ESRRB: variants seen among roughly 807,000 people sequenced by gnomAD.
ESRRB encodes estrogen related receptor beta, also known as steroid hormone receptor ERR2.
ESRRB carries 16 observed loss-of-function variants against 46.0 expected under a neutral mutation model. The ratio of observed to expected loss-of-function variants is 0.35; its 90% CI spans 0.24 to 0.53. The LOEUF (loss-of-function observed/expected upper bound fraction) is 0.53, where lower values mean the gene tolerates loss of function less well. ESRRB is among the 20% of genes least tolerant of loss of function. The pLI is 0.93. For synonymous variants in ESRRB, 246 were observed against 259.6 expected, an observed-to-expected ratio of 0.95 and a Z score of 0.50; for missense variants, 488 against 607.4, an observed-to-expected ratio of 0.80 and a Z score of 2.07.
intron 1 of ESRRB, among the ~76,000 whole-genome samples, chr14:76,393,525 A>G (rs1885550667): frequency 1.3e-5 from 2 of 152,234 alleles, no homozygotes; most frequent in Admixed American, 1.3e-4. Flanking sequence ...TTTGCATGAA[A>G]TACCTTTACT....
At chr14:76,463,045 G>A (rs17104492) in intron 3 of ESRRB, among the ~76,000 whole-genome samples, 51,780 of 152,110 alleles carry the variant, frequency 0.34, 10,177 homozygotes, top group African/African-American at 0.55. Context: ...CATTAAGTCC[G>A]GGAATGATAA....
intron 1 of ESRRB, among the ~76,000 whole-genome samples, chr14:76,332,775 TTATATA>T (rs1566853389): frequency 4.7e-4 from 6 of 12,884 alleles, no homozygotes; most frequent in Non-Finnish European, 7.4e-4. Flanking sequence ...ATAATATATA[TTATATA>T]TTATATATAA....
chr14:76,499,225 G>A lies in ESRRB; in HGVS notation c.*767G>A. The A allele has an allele frequency of 3.8e-6, 1 of 261,514 alleles. No homozygotes were observed. Among genetic ancestry groups the A allele is most frequent in the South Asian group, 4.4e-5 (1 of 22,584 alleles). 16.2% of individuals were successfully genotyped at this position (261,514 alleles called of 1,614,324 possible). ...CCCAGTGGGTTCAGCCAGCCACAGCGACTCCAGGGGCTGTAGACAGGAACG... is the reference window on the plus strand; with the variant it reads ...CCCAGTGGGTTCAGCCAGCCACAGCAACTCCAGGGGCTGTAGACAGGAACG... On this transcript the variant is annotated 3_prime_UTR_variant, in exon 7 of 7. Transcript: ENST00000644823.
At chr14:76,491,372 C>A in intron 5 of ESRRB, 75 bp from the exon 6 acceptor site, 1 of 1,502,100 alleles carries the variant, frequency 6.7e-7, no homozygotes, top group Non-Finnish European at 9.1e-7. Flanking sequence ...AACCTCTGCC[C>A]CCAGCGAGCC....
chr14:76,331,952 T>G (rs1884018638), intron 1 of ESRRB, among the ~76,000 whole-genome samples: 1 of 151,986 alleles, frequency 6.6e-6, no homozygotes, highest in Admixed American at 6.6e-5. Context: ...TCCTGAGAAC[T>G]TTGTGGCTTT....
At chr14:76,466,861 C>T (rs1889135528) in intron 3 of ESRRB, among the ~76,000 whole-genome samples, 1 of 152,060 alleles carries the variant, frequency 6.6e-6, no homozygotes, top group Non-Finnish European at 1.5e-5. Context: ...GTAGCTGAGA[C>T]TACAAGTGTG....
At chr14:76,431,055 G>T (rs1159455062) in intron 1 of ESRRB, among the ~76,000 whole-genome samples, 1 of 152,214 alleles carries the variant, frequency 6.6e-6, no homozygotes, top group Non-Finnish European at 1.5e-5. Context: ...CCACATTTTG[G>T]AAGGCCGAGG....
intron 1 of ESRRB, among the ~76,000 whole-genome samples, chr14:76,437,354 T>A (rs2139927939): frequency 6.6e-6 from 1 of 152,258 alleles, no homozygotes; most frequent in East Asian, 1.9e-4. Context: ...TTTGTATTAA[T>A]CATTAATGAG....
chr14:76,352,544 G>A (rs562322204), intron 1 of ESRRB, among the ~76,000 whole-genome samples: 2 of 152,356 alleles, frequency 1.3e-5, no homozygotes, highest in South Asian at 4.1e-4. Flanking sequence ...CCGGTTGGGG[G>A]CACAGGCCCT....
chr14:76,493,395 T>A (rs984657099), intron 6 of ESRRB, among the ~76,000 whole-genome samples: 3 of 152,158 alleles, frequency 2.0e-5, no homozygotes, highest in African/African-American at 7.2e-5. Flanking sequence ...CCTCAAGTGA[T>A]CCACCCGCCT....
At chr14:76,335,329 A>T (rs943908018) in intron 1 of ESRRB, among the ~76,000 whole-genome samples, 1 of 152,182 alleles carries the variant, frequency 6.6e-6, no homozygotes, top group Admixed American at 6.6e-5. Context: ...TACCCAGTAT[A>T]TACCAGGCAC....
At chr14:76,462,412 G>T in intron 2 of ESRRB, 133 bp from the exon 3 acceptor site, 1 of 699,542 alleles carries the variant, frequency 1.4e-6, no homozygotes, top group South Asian at 1.5e-5. Flanking sequence ...GCACCTCAGA[G>T]CACCTGCTTT....
At position 76,499,480 on chromosome 14, in the gene ESRRB, C is replaced by A. The variant is rs1890577100; in HGVS notation, c.*1022C>A. The A allele has an allele frequency of 5.5e-6, 2 of 365,924 alleles. No individual in the cohort carries two copies. The highest frequency in any genetic ancestry group is 4.7e-5 in the South Asian group (2 of 42,304). 22.7% of individuals were successfully genotyped at this position (365,924 alleles called of 1,614,324 possible). A position where few individuals can be genotyped will look rare whatever the true frequency, so the allele number is the denominator to read the frequency against. On this transcript the variant is annotated 3_prime_UTR_variant, in exon 7 of 7. Coordinates refer to ENST00000644823, the MANE Select transcript of ESRRB (RefSeq NM_001379180.1). ...AGGCCGAGCAGCTGAGATAAGTAGGCAGGGGAGCCCCAAAGGGAGGGAACT... is the reference window on the plus strand; with the variant it reads ...AGGCCGAGCAGCTGAGATAAGTAGGAAGGGGAGCCCCAAAGGGAGGGAACT...
At chr14:76,455,720 T>A (rs1490690837) in intron 2 of ESRRB, among the ~76,000 whole-genome samples, 1 of 152,150 alleles carries the variant, frequency 6.6e-6, no homozygotes, top group Non-Finnish European at 1.5e-5. Flanking sequence ...TAGATTCATG[T>A]CTTGGCTTGG....
chr14:76,361,977 G>A (rs1344378090), intron 1 of ESRRB, among the ~76,000 whole-genome samples: 1 of 152,206 alleles, frequency 6.6e-6, no homozygotes, highest in African/African-American at 2.4e-5. Flanking sequence ...CAGTAACAAG[G>A]TCAGCCACGG....
chr14:76,430,367 G>A lies in ESRRB; in HGVS notation c.51-8974G>A, dbSNP rs1348137500. Among the ~76,000 whole-genome samples, 4 of 152,144 alleles carry A rather than the reference G, an allele frequency of 2.6e-5. No individual in the cohort carries two copies. The East Asian group carries it at 5.8e-4, about 22-fold the overall frequency. ...GAAACCATTTTTCTTCTGTGGAGTGGATTCCCATGTCAGTTTTGTTTATCC... is the reference window on the plus strand; with the variant it reads ...GAAACCATTTTTCTTCTGTGGAGTGAATTCCCATGTCAGTTTTGTTTATCC... On this transcript the variant is annotated intron_variant, in intron 1 of 6. Coordinates refer to ENST00000644823, the MANE Select transcript of ESRRB (RefSeq NM_001379180.1).
chr14:76,392,180 A>C (rs1484207899), intron 1 of ESRRB, among the ~76,000 whole-genome samples: 1 of 152,198 alleles, frequency 6.6e-6, no homozygotes, highest in East Asian at 1.9e-4. Flanking sequence ...TCAAGATGCC[A>C]GTGGAAGCAG....
rs374571602 is a variant in ESRRB at position 76,376,326 on chromosome 14, C to G, written c.-76C>G. ...GCCCTGCCCGGGCTCGCACCTTGCC[C>G]GTGCCCTTCACTCGCTCTTCCGCGT... On this transcript the variant is annotated 5_prime_UTR_variant, in exon 1 of 7. Transcript: ENST00000644823. This position sits in a 1 kb window ranked among gnomAD's most constrained non-coding sequence, Gnocchi z 4.1. The G allele has an allele frequency of 2.7e-5, 31 of 1,132,420 alleles. No individual in the cohort carries two copies. The African/African-American group carries it at 3.0e-4, about 11-fold the overall frequency. The allele number at this position is 1,132,420 out of a possible 1,614,324, so 70.1% of individuals were successfully genotyped here.
At chr14:76,459,125 G>A (rs559693421) in intron 2 of ESRRB, among the ~76,000 whole-genome samples, 26 of 152,254 alleles carry the variant, frequency 1.7e-4, no homozygotes, top group African/African-American at 6.0e-4. Context: ...GATTACAGGC[G>A]TGAGCCACCA....
Sources: allele counts gnomAD v4.1 joint callset (sites outside exome capture counted in the v4.1 genomes callset), GRCh38; gene constraint gnomAD v4.1.1; non-coding constraint Gnocchi (gnomAD v3.1); transcripts MANE v1.5; gene names NCBI Gene and HGNC (gene_info 2026-07-23, HGNC 2026-07-21).